PLSCR2: variants seen among roughly 807,000 people sequenced by gnomAD.
PLSCR2 encodes the protein PL scramblase 2.
A neutral mutation model predicts 25.3 loss-of-function variants in PLSCR2; 18 were observed. That is an observed-to-expected ratio of 0.71 (90% CI 0.49 to 1.06). The LOEUF (loss-of-function observed/expected upper bound fraction) is 1.06, where lower values mean the gene tolerates loss of function less well. Among genes scored for constraint, PLSCR2 ranks in the 50% least tolerant of loss-of-function variants. PLSCR2 has a pLI of 0.00. For synonymous variants in PLSCR2, 88 were observed against 87.3 expected (o/e 1.01, Z -0.04); for missense variants, 243 against 269.5 (o/e 0.90, Z 0.69).
intron 1 of PLSCR2, among the ~76,000 whole-genome samples, chr3:146,468,068 T>A (rs781104283): frequency 1.1e-3 from 168 of 152,212 alleles, no homozygotes; most frequent in Non-Finnish European, 2.2e-3. Flanking sequence ...AATCTGTGTT[T>A]GTTAATTCAA....
intron 2 of PLSCR2, 24 bp from the exon 3 acceptor site, chr3:146,458,477 A>G: frequency 7.2e-7 from 1 of 1,379,550 alleles, no homozygotes; most frequent in Non-Finnish European, 9.7e-7. Flanking sequence ...AAGAAAATGA[A>G]GTTGTATGTC....
At position 146,493,783 on chromosome 3, in the gene PLSCR2, GTTT is replaced by G. The variant is rs34986699; in HGVS notation, c.-293+2109_-293+2111del. On this transcript the variant is annotated intron_variant, in intron 1 of 8. Transcript: ENST00000336685. ...TTTCTGTTTTTCAGTCCAAGGTGGC[GTTT>G]TTTTTTTTTTTTTTTTTTTTTGCAA... 5.4e-3 allele frequency among the ~76,000 whole-genome samples: 293 copies of G among 54,764 alleles called. 1 individual carries two copies. The highest frequency in any genetic ancestry group is 0.02 in the African/African-American group (276 of 13,974). 35.9% of individuals were successfully genotyped at this position (54,764 alleles called of 152,430 possible). A position where few individuals can be genotyped will look rare whatever the true frequency, so the allele number is the denominator to read the frequency against.
chr3:146,467,295 C>T (rs773919272), intron 1 of PLSCR2, among the ~76,000 whole-genome samples: 2 of 152,062 alleles, frequency 1.3e-5, no homozygotes, highest in Non-Finnish European at 2.9e-5. Context: ...ACCAAGGAGA[C>T]AAAAGAAACA....
chr3:146,467,434 T>G (rs1285317982), intron 1 of PLSCR2, among the ~76,000 whole-genome samples: 1 of 152,154 alleles, frequency 6.6e-6, no homozygotes, highest in East Asian at 1.9e-4. Flanking sequence ...TATGTAAATT[T>G]TATGCACTTA....
intron 1 of PLSCR2, among the ~76,000 whole-genome samples, chr3:146,475,138 T>C (rs929738060): frequency 1.3e-5 from 2 of 152,258 alleles, no homozygotes; most frequent in East Asian, 1.9e-4. Context: ...AGCCTACTCC[T>C]GTCAATTCAT....
rs181250842 is a variant in PLSCR2, at chr3:146,481,241, G to A, written c.-293+14654C>T. ...TTGGAAGTTCTGGCCAGGGCAATCA[G>A]GCAAGAGAAAGAAATAAAGGGTATT... is the stretch of plus-strand genomic sequence containing the variant. On this transcript the variant is annotated intron_variant, in intron 1 of 8. Transcript: ENST00000336685. 1.8e-3 allele frequency among the ~76,000 whole-genome samples: 274 copies of A among 152,232 alleles called. 1 individual carries two copies. The highest frequency in any genetic ancestry group is 6.4e-3 in the African/African-American group (267 of 41,536).
At chr3:146,400,971 G>T (rs1403655069) in intron 2 of PLSCR2, among the ~76,000 whole-genome samples, 2 of 151,894 alleles carry the variant, frequency 1.3e-5, no homozygotes, top group East Asian at 3.9e-4. Flanking sequence ...GGAAAAAATG[G>T]ATCTCAACAC....
At chr3:146,391,436 C>G (rs917010566) in exon 4 of PLSCR2, 1 of 152,460 alleles carries the variant, frequency 6.6e-6, no homozygotes, top group African/African-American at 2.4e-5. Flanking sequence ...TAAAATAAAA[C>G]TTTATTTAGA....
At chr3:146,414,597 A>ATTT (rs10627858) in intron 2 of PLSCR2, among the ~76,000 whole-genome samples, 1,820 of 150,380 alleles carry the variant, frequency 0.012, 13 homozygotes, top group Non-Finnish European at 0.016. Context: ...CAATGATAGT[A>ATTT]TTTTTTTTTT....
intron 2 of PLSCR2, among the ~76,000 whole-genome samples, chr3:146,407,381 GAGA>G (rs141705356): frequency 0.011 from 1,674 of 152,292 alleles, 22 homozygotes; most frequent in African/African-American, 0.039. Flanking sequence ...AGTCTATCCG[GAGA>G]AGATGTCCAC....
intron 2 of PLSCR2, among the ~76,000 whole-genome samples, chr3:146,402,682 C>A (rs1344385868): frequency 6.6e-6 from 1 of 152,104 alleles, no homozygotes; most frequent in Non-Finnish European, 1.5e-5. Flanking sequence ...ATTGGCCAGG[C>A]TGGTCTTGAA....
In PLSCR2 at chr3:146,459,697, T is replaced by C. The variant is rs374700141; in HGVS notation, c.57+151A>G. ...AATCGAACCCAAAAGAACTAGTGAT[T>C]TGTTAACAGAATGTGCTGTTTACCA... On this transcript the variant is annotated intron_variant, in intron 2 of 6. Coordinates refer to ENST00000610787, the Ensembl canonical transcript of PLSCR2. 413 of 595,148 alleles carry C rather than the reference T, an allele frequency of 6.9e-4. 2 individuals are homozygous for C. The South Asian group carries it at 8.5e-3, about 12-fold the overall frequency. The allele number at this position is 595,148 out of a possible 1,614,324, so 36.9% of individuals were successfully genotyped here. A position where few individuals can be genotyped will look rare whatever the true frequency, so the allele number is the denominator to read the frequency against.
chr3:146,400,804 G>A (rs564080096), intron 2 of PLSCR2, among the ~76,000 whole-genome samples: 1 of 151,872 alleles, frequency 6.6e-6, no homozygotes, highest in African/African-American at 2.4e-5. Flanking sequence ...ATATTTGTAT[G>A]TATATACATA....
At chr3:146,482,133 A>G (rs531264878) in intron 1 of PLSCR2, among the ~76,000 whole-genome samples, 2 of 152,252 alleles carry the variant, frequency 1.3e-5, no homozygotes, top group African/African-American at 2.4e-5. Context: ...CTAGGAGAAA[A>G]CCTAGGCAAT....
intron 1 of PLSCR2, among the ~76,000 whole-genome samples, chr3:146,492,207 G>A (rs559260747): frequency 5.3e-5 from 8 of 152,174 alleles, no homozygotes; most frequent in South Asian, 2.1e-4. Context: ...TCACTGCATC[G>A]GAGAGGCTGA....
At chr3:146,477,624 A>C (rs1392237928) in intron 1 of PLSCR2, among the ~76,000 whole-genome samples, 1 of 152,238 alleles carries the variant, frequency 6.6e-6, no homozygotes, top group Non-Finnish European at 1.5e-5. Flanking sequence ...AGCAAGGCCT[A>C]CAGCCTCTAT....
intron 6 of PLSCR2, among the ~76,000 whole-genome samples, chr3:146,447,450 A>C (rs1282491589): frequency 6.6e-6 from 1 of 152,228 alleles, no homozygotes; most frequent in East Asian, 1.9e-4. Context: ...TCTTCAAGGC[A>C]GCAGGTTCCC....
chr3:146,398,704 C>T (rs2038359306), intron 2 of PLSCR2: 1 of 151,930 alleles, frequency 6.6e-6, no homozygotes, highest in Non-Finnish European at 1.5e-5. Context: ...AACCATGGGC[C>T]TATAATTTTC....
At chr3:146,493,462 C>T (rs1195575849) in intron 1 of PLSCR2, among the ~76,000 whole-genome samples, 6 of 152,022 alleles carry the variant, frequency 3.9e-5, no homozygotes, top group Non-Finnish European at 7.4e-5. Context: ...TCCTGTAATG[C>T]GAGATTGGTT....
Sources: gnomAD v4.1 joint callset for allele counts (sites outside exome capture counted in the v4.1 genomes callset) on GRCh38, gnomAD v4.1.1 for gene constraint, MANE v1.5 for transcripts, NCBI Gene and HGNC (gene_info 2026-07-23, HGNC 2026-07-21) for gene names.